WNT5A: variants seen among roughly 807,000 people sequenced by gnomAD.
WNT5A encodes the protein protein Wnt-5a.
In WNT5A, 9 loss-of-function variants were observed where a neutral mutation model predicts 42.1. The ratio of observed to expected loss-of-function variants is 0.21; its 90% CI spans 0.13 to 0.37. The LOEUF is 0.37. Ranked by LOEUF, WNT5A falls within the 10% of genes least tolerant of loss-of-function variation. The pLI, the probability that WNT5A is intolerant of heterozygous loss-of-function variation, is 1.00. For missense variants in WNT5A, 426 were observed against 534.0 expected, an observed-to-expected ratio of 0.80 and a Z score of 1.99; for synonymous variants, 210 against 210.0, an observed-to-expected ratio of 1.00 and a Z score of 0.00.
chr3:55,485,398 G>C (rs1018226141), intron 1 of WNT5A, among the ~76,000 whole-genome samples: 1 of 152,044 alleles, frequency 6.6e-6, no homozygotes, highest in African/African-American at 2.4e-5. Context: ...CTCTTGGGCC[G>C]GGCCTCCTGG....
chr3:55,504,778 C>CAAAT, the WNT5A span, among the ~76,000 whole-genome samples: 2 of 152,144 alleles, frequency 1.3e-5, no homozygotes, highest in Non-Finnish European at 2.9e-5. Flanking sequence ...CTAAACCTTT[C>CAAAT]AAATAAGATA....
In WNT5A at chr3:55,467,964, G is replaced by C. The variant is rs1166331138; in HGVS notation, c.*2128C>G. Reference sequence around the variant, plus strand: ...TTGCTCACAATTCACTGCAACTGAGGGGATGTGAATATCATTATGCAATAA... The same window carrying C: ...TTGCTCACAATTCACTGCAACTGAGCGGATGTGAATATCATTATGCAATAA... On this transcript the variant is annotated 3_prime_UTR_variant, in exon 5 of 5. Transcript: ENST00000264634. 1 of 152,086 alleles carries C rather than the reference G, an allele frequency of 6.6e-6. No homozygotes were observed. The highest frequency in any genetic ancestry group is 1.5e-5 in the Non-Finnish European group (1 of 68,022). The allele number at this position is 152,086 out of a possible 1,614,324, so 9.4% of individuals were successfully genotyped here. A position where few individuals can be genotyped will look rare whatever the true frequency, so the allele number is the denominator to read the frequency against.
chr3:55,496,055 A>G, the WNT5A span, among the ~76,000 whole-genome samples: 2 of 152,180 alleles, frequency 1.3e-5, no homozygotes, highest in Non-Finnish European at 2.9e-5. Flanking sequence ...TTAACATGTT[A>G]CCCTAATGTG....
rs2106874313 is a variant in WNT5A, at chr3:55,467,792, T to C, written c.*2300A>G. 1 of 151,542 alleles carries C rather than the reference T, an allele frequency of 6.6e-6. No homozygotes were observed. The highest frequency in any genetic ancestry group is 2.1e-4 in the South Asian group (1 of 4,684). The allele number at this position is 151,542 out of a possible 1,614,324, so 9.4% of individuals were successfully genotyped here. A position where few individuals can be genotyped will look rare whatever the true frequency, so the allele number is the denominator to read the frequency against. The stretch of plus-strand genomic sequence containing the variant: ...TAGTTTCTTTTAAAAGCTAGGATTG[T>C]TAAACTCAACTCTCTTCATAAACAT... On this transcript the variant is annotated 3_prime_UTR_variant, in exon 5 of 5. Transcript: ENST00000264634.
intron 1 of WNT5A, among the ~76,000 whole-genome samples, chr3:55,485,381 C>T (rs2051558356): frequency 6.6e-6 from 1 of 151,964 alleles, no homozygotes; most frequent in Admixed American, 6.5e-5. Context: ...GAGGAGAAGA[C>T]AGGGGACTCT....
chr3:55,500,879 A>G, the WNT5A span, among the ~76,000 whole-genome samples: 18 of 152,278 alleles, frequency 1.2e-4, no homozygotes, highest in South Asian at 3.7e-3. Flanking sequence ...TGTAATAATG[A>G]CTTCATTAAA....
At chr3:55,481,047 G>A in intron 1 of WNT5A, 129 bp from the exon 2 acceptor site, 1 of 1,038,228 alleles carries the variant, frequency 9.6e-7, no homozygotes, top group Non-Finnish European at 1.3e-6. Flanking sequence ...TCCTCCGTGA[G>A]TTTTTTGATG....
chr3:55,486,949 G>A, intron 1 of WNT5A, 31 bp downstream of exon 1: 1 of 1,586,766 alleles, frequency 6.3e-7, no homozygotes, highest in South Asian at 1.1e-5. Flanking sequence ...GGGAAGTAAA[G>A]AAAAAAAGTG....
At chr3:55,486,161 C>G (rs2051574049) in intron 1 of WNT5A, among the ~76,000 whole-genome samples, 1 of 152,202 alleles carries the variant, frequency 6.6e-6, no homozygotes, top group South Asian at 2.1e-4. Flanking sequence ...CGCCTGCTCT[C>G]CCAAAGCGGA....
the WNT5A span, among the ~76,000 whole-genome samples, chr3:55,504,471 CTTT>C: frequency 2.1e-5 from 3 of 142,026 alleles, no homozygotes. Flanking sequence ...GGGTAAACCC[CTTT>C]TTTTTTTTTT....
At chr3:55,498,215 T>C in the WNT5A span, among the ~76,000 whole-genome samples, 1 of 152,186 alleles carries the variant, frequency 6.6e-6, no homozygotes, top group Non-Finnish European at 1.5e-5. Flanking sequence ...ACTTGAGCCT[T>C]AAGACCATGT....
upstream of WNT5A, among the ~76,000 whole-genome samples, chr3:55,494,593 C>T (rs1203300727): frequency 6.6e-6 from 1 of 152,128 alleles, no homozygotes; most frequent in Admixed American, 6.5e-5. Flanking sequence ...GGCTGGAGTG[C>T]AGTGGTGCGA....
At position 55,474,510 on chromosome 3, in the gene WNT5A, T is replaced by C. The variant is rs1352397840; in HGVS notation, c.511A>G (p.Lys171Glu). 1 of 1,570,372 alleles carries C rather than the reference T, an allele frequency of 6.4e-7. No homozygotes were observed. Among genetic ancestry groups the C allele is most frequent in the Non-Finnish European group, 8.6e-7 (1 of 1,161,426 alleles). The part of the protein sequence containing the change: ...TCGCSRAARP[K>E]DLPRDWLWGG... ...CAGAGCCAGTCCCGCGGCAGGTCCTTGGGGCGCGCGGCGCGGCTGCAGCCG... is the reference window on the plus strand; with the variant it reads ...CAGAGCCAGTCCCGCGGCAGGTCCTCGGGGCGCGCGGCGCGGCTGCAGCCG... Residue 171 changes from lysine (K) to glutamate (E), a missense_variant, in exon 4 of 5, where the codon AAG (lysine) becomes GAG (glutamate). Physicochemically the swap from Lys to Glu is moderately conservative, Grantham distance 56 (BLOSUM62 1). Coordinates refer to ENST00000264634, the MANE Select transcript of WNT5A (RefSeq NM_003392.7).
upstream of WNT5A, chr3:55,489,709 T>TC (rs1235359470): frequency 6.6e-6 from 1 of 152,234 alleles, no homozygotes; most frequent in Non-Finnish European, 1.5e-5. Context: ...TTCTCAAAGC[T>TC]CCCCTTGGGA....
rs2051145814 is a variant in WNT5A, at chr3:55,466,489, G to A, written c.*3603C>T. 1 of 152,190 alleles carries A rather than the reference G, an allele frequency of 6.6e-6. No individual in the cohort carries two copies. The highest frequency in any genetic ancestry group is 2.4e-5 in the African/African-American group (1 of 41,444). The allele number at this position is 152,190 out of a possible 1,614,324, so 9.4% of individuals were successfully genotyped here. A position where few individuals can be genotyped will look rare whatever the true frequency, so the allele number is the denominator to read the frequency against. On this transcript the variant is annotated 3_prime_UTR_variant, in exon 5 of 5. Coordinates refer to ENST00000264634, the MANE Select transcript of WNT5A (RefSeq NM_003392.7). ...GTATTGGCAAAATTGTACGAGAAAAGAGCTAGGGTAGGCAACTAAAACTTA... is the reference window on the plus strand; with the variant it reads ...GTATTGGCAAAATTGTACGAGAAAAAAGCTAGGGTAGGCAACTAAAACTTA...
chr3:55,492,652 A>G (rs948853488), upstream of WNT5A, among the ~76,000 whole-genome samples: 21 of 152,200 alleles, frequency 1.4e-4, no homozygotes, highest in African/African-American at 5.1e-4. Flanking sequence ...ACAGAATTCA[A>G]CAAAGATGGG....
In WNT5A at chr3:55,467,128, C is replaced by T. The variant is rs1463673193; in HGVS notation, c.*2964G>A. The T allele has an allele frequency of 1.3e-5, 2 of 152,196 alleles. No individual in the cohort carries two copies. The highest frequency in any genetic ancestry group is 6.5e-5 in the Admixed American group (1 of 15,282). 9.4% of individuals were successfully genotyped at this position (152,196 alleles called of 1,614,324 possible). ...AAACTGCTTTCAAAGGGCATAGAGA[C>T]ACCACACATGGTCCACAGTAAATTC... On this transcript the variant is annotated 3_prime_UTR_variant, in exon 5 of 5. Transcript: ENST00000264634.
At chr3:55,473,145 G>A (rs2051283502) in intron 4 of WNT5A, among the ~76,000 whole-genome samples, 1 of 152,156 alleles carries the variant, frequency 6.6e-6, no homozygotes. Context: ...AACGTACCTA[G>A]GCTTATATTT....
intron 4 of WNT5A, among the ~76,000 whole-genome samples, chr3:55,472,884 T>A (rs2051279271): frequency 6.6e-6 from 1 of 152,146 alleles, no homozygotes; most frequent in Admixed American, 6.5e-5. Flanking sequence ...CAAATGAAAT[T>A]GTTATTTTGT....
Sources: gnomAD v4.1 joint callset for allele counts (sites outside exome capture counted in the v4.1 genomes callset) on GRCh38, gnomAD v4.1.1 for gene constraint, MANE v1.5 for transcripts, NCBI Gene and HGNC (gene_info 2026-07-23, HGNC 2026-07-21) for gene names.